DMD: variants seen among roughly 807,000 people sequenced by gnomAD.
The protein encoded by DMD is dystrophin, also known as mutant dystrophin.
Under a neutral mutation model 330.1 loss-of-function variants are expected in DMD, and 63 were observed. That is an observed-to-expected ratio of 0.19 (90% CI 0.16 to 0.24). DMD has a LOEUF of 0.24. DMD is among the 10% of genes least tolerant of loss of function. The pLI, the probability that DMD is intolerant of heterozygous loss-of-function variation, is 1.00. For synonymous variants in DMD, 1,223 were observed against 959.8 expected, an observed-to-expected ratio of 1.27 and a Z score of -5.07; for missense variants, 3,344 against 2,684.1, an observed-to-expected ratio of 1.25 and a Z score of -5.43.
intron 60 of DMD, among the ~76,000 whole-genome samples, chrX:31,441,194 A>G (rs1391721660): frequency 9.0e-6 from 1 of 110,640 alleles, no homozygotes; most frequent in East Asian, 2.8e-4. Flanking sequence ...CTCTATTTTT[A>G]TTTTATTTTA....
At chrX:32,651,490 T>A (rs946948056) in intron 9 of DMD, among the ~76,000 whole-genome samples, 1 of 111,950 alleles carries the variant, frequency 8.9e-6, no homozygotes, top group Non-Finnish European at 1.9e-5. Flanking sequence ...TTTCTTAATT[T>A]CCACAAATTC....
chrX:31,543,097 G>T (rs924714371), intron 55 of DMD, among the ~76,000 whole-genome samples: 1 of 111,243 alleles, frequency 9.0e-6, no homozygotes, highest in Non-Finnish European at 1.9e-5. Context: ...GGGCAACCTC[G>T]GCAATTGGCT....
chrX:32,019,636 A>G (rs1454968687), intron 44 of DMD, among the ~76,000 whole-genome samples: 2 of 111,995 alleles, frequency 1.8e-5, no homozygotes, highest in Non-Finnish European at 3.8e-5. Flanking sequence ...TCGTAAAATA[A>G]TTATCTTATT....
chrX:31,665,681 G>A (rs1279690600), intron 53 of DMD, among the ~76,000 whole-genome samples: 1 of 111,656 alleles, frequency 9.0e-6, no homozygotes. Flanking sequence ...TACCAACGTC[G>A]TTACTTTTCT....
intron 55 of DMD, among the ~76,000 whole-genome samples, chrX:31,582,126 T>G (rs776303158): frequency 7.2e-5 from 8 of 111,597 alleles, no homozygotes; most frequent in South Asian, 3.7e-4. Context: ...AAATAAAAAT[T>G]GAAATATCTG....
intron 20 of DMD, among the ~76,000 whole-genome samples, chrX:32,487,847 G>A (rs1222454695): frequency 8.9e-6 from 1 of 111,764 alleles, no homozygotes; most frequent in Non-Finnish European, 1.9e-5. Context: ...GTGCTAGAAA[G>A]TTGGTATATA....
At chrX:32,076,464 C>T (rs1211782744) in intron 44 of DMD, among the ~76,000 whole-genome samples, 3 of 106,740 alleles carry the variant, frequency 2.8e-5, no homozygotes, top group African/African-American at 1.0e-4. Context: ...ACTGCAAGCT[C>T]CACCTCCCGG....
intron 9 of DMD, among the ~76,000 whole-genome samples, chrX:32,662,254 A>T (rs1051438141): frequency 5.4e-5 from 6 of 111,638 alleles, no homozygotes; most frequent in Non-Finnish European, 1.1e-4. Context: ...CCATAAATTA[A>T]AATATGTTAA....
At chrX:32,326,297 C>T (rs1443852165) in intron 41 of DMD, among the ~76,000 whole-genome samples, 6 of 112,229 alleles carry the variant, frequency 5.3e-5, no homozygotes, top group Non-Finnish European at 1.1e-4. Context: ...AAAAACACAA[C>T]TTTAGGAACT....
intron 1 of DMD, among the ~76,000 whole-genome samples, chrX:33,320,924 A>G (rs762183680): frequency 5.4e-5 from 6 of 111,916 alleles, no homozygotes; most frequent in Non-Finnish European, 1.1e-4. Context: ...TTGCTCATCC[A>G]TCAGATGCAA....
At chrX:32,001,794 C>G (rs957367727) in intron 44 of DMD, among the ~76,000 whole-genome samples, 1 of 111,203 alleles carries the variant, frequency 9.0e-6, no homozygotes, top group South Asian at 3.7e-4. Context: ...AAACAGTGGC[C>G]GGAAAAACGT....
chrX:32,549,372 C>T (rs1287282785), intron 16 of DMD, among the ~76,000 whole-genome samples: 1 of 111,797 alleles, frequency 8.9e-6, no homozygotes, highest in Non-Finnish European at 1.9e-5. Context: ...CCCAGGGCCC[C>T]TGCTCAGGAG....
intron 2 of DMD, among the ~76,000 whole-genome samples, chrX:32,909,878 T>A (rs900297924): frequency 2.7e-5 from 3 of 112,116 alleles, no homozygotes; most frequent in Non-Finnish European, 5.6e-5. Flanking sequence ...CTTTTGTTCT[T>A]CACTCTTTCA....
In DMD at chrX:31,120,268, ATT is replaced by A. The variant is rs2147543893; in HGVS notation, c.*1649_*1650del. The A allele has an allele frequency of 9.0e-6, 1 of 111,652 alleles. No individual in the cohort carries two copies. Among genetic ancestry groups the A allele is most frequent in the East Asian group, 2.8e-4 (1 of 3,553 alleles). 9.2% of individuals were successfully genotyped at this position (111,652 alleles called of 1,213,427 possible). A position where few individuals can be genotyped will look rare whatever the true frequency, so the allele number is the denominator to read the frequency against. On this transcript the variant is annotated 3_prime_UTR_variant, in exon 79 of 79. Transcript: ENST00000357033. ...GAGCTTTTCTCCTCTTTTTTGAGCA[ATT>A]TTTGTTTGTTTGTTTATATATTTAA...
At chrX:33,229,921 T>A (rs2052359663) in intron 1 of DMD, among the ~76,000 whole-genome samples, 1 of 112,219 alleles carries the variant, frequency 8.9e-6, no homozygotes, top group African/African-American at 3.2e-5. Context: ...ATTTATAAGT[T>A]AATTTTTTAT....
intron 12 of DMD, among the ~76,000 whole-genome samples, chrX:32,606,078 A>G (rs754364964): frequency 9.0e-6 from 1 of 110,573 alleles, no homozygotes; most frequent in Non-Finnish European, 1.9e-5. Flanking sequence ...TGTACAAGTT[A>G]TTATTGACCA....
chrX:31,284,557 T>TTTCTTCTTCTTCTTTTCTTCTTC (rs2052896374), intron 62 of DMD, among the ~76,000 whole-genome samples: 1 of 78,066 alleles, frequency 1.3e-5, no homozygotes, highest in African/African-American at 5.2e-5. Flanking sequence ...TAACGAACTG[T>TTTCTTCTTCTTCTTTTCTTCTTC]TTCTTCTTCT....
At chrX:33,046,031 A>G (rs1044635588) in intron 1 of DMD, among the ~76,000 whole-genome samples, 9 of 111,401 alleles carry the variant, frequency 8.1e-5, no homozygotes, top group African/African-American at 2.9e-4. Context: ...GCATGCAAAG[A>G]TCTTCTTCCC....
chrX:31,186,679 A>T (rs773403747), intron 67 of DMD, among the ~76,000 whole-genome samples: 4 of 112,582 alleles, frequency 3.6e-5, no homozygotes, highest in Non-Finnish European at 7.5e-5. Context: ...GTTGCTGAGC[A>T]CTTTTCTCTG....
Sources: gnomAD v4.1 joint callset for allele counts (sites outside exome capture counted in the v4.1 genomes callset) on GRCh38, gnomAD v4.1.1 for gene constraint, MANE v1.5 for transcripts, NCBI Gene and HGNC (gene_info 2026-07-23, HGNC 2026-07-21) for gene names.